Variants in XIRP1 observed in about 807,000 individuals in gnomAD.
XIRP1 encodes the protein xin actin-binding repeat-containing protein 1.
For missense variants in XIRP1, 2,378 were observed against 2,345.4 expected (o/e 1.01, Z -0.29); for synonymous variants, 984 against 947.0 (o/e 1.04, Z -0.72).
At position 39,185,536 on chromosome 3, in the gene XIRP1, G is replaced by A. The variant is rs2039951468; in HGVS notation, c.3910C>T (p.Pro1304Ser). Residue 1304 changes from proline (P) to serine (S), a missense_variant, in exon 2 of 2, where the codon CCT (proline) becomes TCT (serine). Coordinates refer to ENST00000340369, the MANE Select transcript of XIRP1 (RefSeq NM_194293.4). ...SHSSPAGQRT[P>S]GGSQTKTPKL... The stretch of plus-strand genomic sequence containing the variant: ...GGGGTCTTTGTCTGTGACCCTCCAG[G>A]GGTTCTCTGGCCAGCAGGGCTGCTG... The A allele has an allele frequency of 6.4e-7, 1 of 1,561,746 alleles. No homozygotes were observed. Among genetic ancestry groups the A allele is most frequent in the Non-Finnish European group, 8.7e-7 (1 of 1,154,888 alleles).
In XIRP1 at chr3:39,183,973, G is replaced by A; in HGVS notation, c.5473C>T (p.Leu1825=). ...LHSPAGFSSD[L]TEAETVQVSC... ...ACCTGCACCGTCTCAGCTTCTGTCA[G>A]GTCACTGCTGAACCCAGCTGGGCTG... Residue 1825 remains leucine (L), a synonymous_variant, in exon 2 of 2, where the codon CTG becomes TTG. Coordinates refer to ENST00000340369, the MANE Select transcript of XIRP1 (RefSeq NM_194293.4). 1 of 1,612,362 alleles carries A rather than the reference G, an allele frequency of 6.2e-7. No individual in the cohort carries two copies. Among genetic ancestry groups the A allele is most frequent in the Non-Finnish European group, 8.5e-7 (1 of 1,179,946 alleles).
rs762453724 is a variant in XIRP1, at chr3:39,189,330, T to C, written c.116A>G (p.Lys39Arg). The change falls in exon 2 of 2, where the codon AAG becomes AGG. Residue 39 changes from lysine (K) to arginine (R), a missense_variant. By Grantham distance (26) the Lys-to-Arg change is conservative (BLOSUM62 2). Transcript: ENST00000340369. ...CTGATGGAACTTGGAGAAGGATTCCTTGGGTGGCGGCAGTGGCAGGTCCTC... is the reference window on the plus strand; with the variant it reads ...CTGATGGAACTTGGAGAAGGATTCCCTGGGTGGCGGCAGTGGCAGGTCCTC... ...ALEDLPLPPP[K>R]ESFSKFHQQR... The C allele has an allele frequency of 1.9e-6, 3 of 1,613,468 alleles. No homozygotes were observed. Among genetic ancestry groups the C allele is most frequent in the East Asian group, 4.5e-5 (2 of 44,866 alleles).
Position 39,187,091 on chromosome 3 carries a change from C to G in XIRP1, c.2355G>C (p.Leu785=). The G allele has an allele frequency of 6.2e-7, 1 of 1,613,700 alleles. No homozygotes were observed. Among genetic ancestry groups the G allele is most frequent in the South Asian group, 1.1e-5 (1 of 91,082 alleles). ...CCTCCATGAGGATGCCTCCATGGTGCAGGATGCCAGGTGTGGCATGCAGAG... is the reference window on the plus strand; with the variant it reads ...CCTCCATGAGGATGCCTCCATGGTGGAGGATGCCAGGTGTGGCATGCAGAG... ...LRTLHATPGI[L]HHGGILMEAR... Residue 785 remains leucine, a synonymous_variant, in exon 2 of 2, where the codon CTG becomes CTC. Transcript: ENST00000340369.
In XIRP1 at chr3:39,185,441, C is replaced by T. The variant is rs1220245684; in HGVS notation, c.4005G>A (p.Gln1335=). The T allele has an allele frequency of 3.7e-6, 6 of 1,607,138 alleles. No homozygotes were observed. Among genetic ancestry groups the T allele is most frequent in the Admixed American group, 3.4e-5 (2 of 59,592 alleles). Residue 1335 remains glutamine (Q), a synonymous_variant, in exon 2 of 2, where the codon CAG becomes CAA. Coordinates refer to ENST00000340369, the MANE Select transcript of XIRP1 (RefSeq NM_194293.4). The stretch of plus-strand genomic sequence containing the variant: ...TGGGCAGCCTCTGAGGAGGGTGGCT[C>T]TGGGTTAGGTGTGCAGGTTTAGGGG... The part of the protein sequence containing the change: ...QLPPKPAHLT[Q]SHPPQRLPKP...
In XIRP1 at chr3:39,188,834, G is replaced by T. The variant is rs768242854; in HGVS notation, c.612C>A (p.Gly204=). The T allele has an allele frequency of 6.2e-7, 1 of 1,612,782 alleles. No homozygotes were observed. Among genetic ancestry groups the T allele is most frequent in the South Asian group, 1.1e-5 (1 of 91,082 alleles). The change falls in exon 2 of 2, where the codon GGC becomes GGA. Residue 204 remains glycine (G), a synonymous_variant. Coordinates refer to ENST00000340369, the MANE Select transcript of XIRP1 (RefSeq NM_194293.4). ...LFETRPLDRL[G]SRPSLQEQSP... ...TCTGCTCCTGCAGGGAGGGGCGGGA[G>T]CCCAGGCGGTCCAGCGGCCGCGTCT...
In XIRP1 at chr3:39,189,223, C is replaced by T. The variant is rs749373055; in HGVS notation, c.223G>A (p.Glu75Lys). The T allele has an allele frequency of 1.1e-4, 183 of 1,614,190 alleles. No homozygotes were observed. Among genetic ancestry groups the T allele is most frequent in the East Asian group, 5.8e-4 (26 of 44,894 alleles). ...LRKNLAEAVA[E>K]DLAEVLGSEE... ...GAGCCCAGGACCTCAGCCAGATCCT[C>T]GGCCACAGCCTCAGCCAGATTCTTG... The change falls in exon 2 of 2, where the codon GAG (glutamate) becomes AAG (lysine). Residue 75 changes from glutamate (E) to lysine (K), a missense_variant. By Grantham distance (56) the Glu-to-Lys change is moderately conservative. Coordinates refer to ENST00000340369, the MANE Select transcript of XIRP1 (RefSeq NM_194293.4).
chr3:39,190,018 A>G (rs972580863), intron 1 of XIRP1, among the ~76,000 whole-genome samples: 4 of 152,300 alleles, frequency 2.6e-5, no homozygotes, highest in Admixed American at 1.3e-4. Context: ...AACGCTGCCT[A>G]ACTTTTACCT....
chr3:39,184,917 T>C lies in XIRP1; in HGVS notation c.4529A>G (p.Gln1510Arg). The stretch of plus-strand genomic sequence containing the variant: ...GGGCTTTTGGTGGGCAGCAGGAGCC[T>C]GAGGAGCAGCCCCTCCCAGCTGGGG... ...AVPQLGGAAP[Q>R]APAAHQKPEA... Residue 1510 changes from glutamine to arginine, a missense_variant, in exon 2 of 2, where the codon CAG (glutamine) becomes CGG (arginine). Physicochemically the swap from Gln to Arg is conservative, Grantham distance 43. Transcript: ENST00000340369. 6.3e-7 allele frequency: 1 copy of C among 1,582,792 alleles called. No homozygotes were observed. The highest frequency in any genetic ancestry group is 8.6e-7 in the Non-Finnish European group (1 of 1,163,050).
At chr3:39,190,533 G>A (rs935282571) in intron 1 of XIRP1, among the ~76,000 whole-genome samples, 4 of 152,046 alleles carry the variant, frequency 2.6e-5, no homozygotes, top group African/African-American at 7.3e-5. Flanking sequence ...CCTGGATACC[G>A]CTCTCTAAGC....
chr3:39,187,788 A>G lies in XIRP1; in HGVS notation c.1658T>C (p.Leu553Pro). The G allele has an allele frequency of 6.2e-7, 1 of 1,614,024 alleles. No homozygotes were observed. Among genetic ancestry groups the G allele is most frequent in the East Asian group, 2.2e-5 (1 of 44,866 alleles). Residue 553 changes from leucine (L) to proline (P), a missense_variant, in exon 2 of 2, where the codon CTT becomes CCT. Leu to Pro is a moderately conservative substitution (Grantham distance 98). Coordinates refer to ENST00000340369, the MANE Select transcript of XIRP1 (RefSeq NM_194293.4). ...CATCTCCAGGGGCTGGGTCTCAAAA[A>G]GCCACCGAGCTGTGCCAACGTCCCC... ...VAGDVGTARW[L>P]FETQPLEMIH...
At chr3:39,191,948 G>A (rs1033390774) in intron 1 of XIRP1, among the ~76,000 whole-genome samples, 35 of 152,192 alleles carry the variant, frequency 2.3e-4, no homozygotes, top group Non-Finnish European at 4.4e-5. Flanking sequence ...GCCAGCCCCT[G>A]GGAGCTATCC....
At position 39,188,599 on chromosome 3, in the gene XIRP1, G is replaced by C. The variant is rs1242916877; in HGVS notation, c.847C>G (p.Gln283Glu). Reference protein sequence around the residue: ...FETRPLDAINQDPSQVRVIRG... With the variant: ...FETRPLDAINEDPSQVRVIRG... ...ATCACCCGCACCTGGCTGGGGTCCT[G>C]GTTGATGGCGTCCAGAGGCCGGGTC... is the stretch of plus-strand genomic sequence containing the variant. The change falls in exon 2 of 2, where the codon CAG becomes GAG. Residue 283 changes from glutamine to glutamate, a missense_variant. Gln to Glu is a conservative substitution (Grantham distance 29, BLOSUM62 2). Transcript: ENST00000340369. 6.2e-7 allele frequency: 1 copy of C among 1,613,848 alleles called. No homozygotes were observed. Among genetic ancestry groups the C allele is most frequent in the East Asian group, 2.2e-5 (1 of 44,888 alleles).
In XIRP1 at chr3:39,188,171, A is replaced by G. The variant is rs73826265; in HGVS notation, c.1275T>C (p.Ser425=). 162 of 1,614,070 alleles carry G rather than the reference A, an allele frequency of 1.0e-4. No homozygotes were observed. In the African/African-American group the frequency reaches 2.0e-3, roughly 20 times the overall value. The change falls in exon 2 of 2, where the codon TCT becomes TCC. Residue 425 remains serine, a synonymous_variant. Coordinates refer to ENST00000340369, the MANE Select transcript of XIRP1 (RefSeq NM_194293.4). ...GCTCATCCCTCTGGGGGGCACTCTG[A>G]GAGAAGGGCAGTGCTGAGGAGCTGT... ...SSDSSSALPF[S]QSAPQRDELK... is the part of the protein sequence containing the mutation.
rs764463920 is a variant in XIRP1 at position 39,188,404 on chromosome 3, G to A, written c.1042C>T (p.Leu348=). ...GTGTCCAGCGCTCGGGTCTCAAACA[G>A]ATGCTGCTGCTGCTGAACATCTGGA... ...PGPDVQQQQH[L]FETRALDTLK... is the part of the protein sequence containing the mutation. Residue 348 remains leucine, a synonymous_variant, in exon 2 of 2, where the codon CTG becomes TTG. Transcript: ENST00000340369. The A allele has an allele frequency of 6.2e-7, 1 of 1,610,574 alleles. No individual in the cohort carries two copies. Among genetic ancestry groups the A allele is most frequent in the East Asian group, 2.2e-5 (1 of 44,770 alleles).
Position 39,189,405 on chromosome 3 carries a change from ATGGT to A in XIRP1, c.37_40del (p.Thr13Ter). 1 of 1,608,058 alleles carries A rather than the reference ATGGT, an allele frequency of 6.2e-7. No homozygotes were observed. The highest frequency in any genetic ancestry group is 1.1e-5 in the South Asian group (1 of 90,144). The stretch of plus-strand genomic sequence containing the variant: ...CAGGTCCTCTGCAGTTGCCATCCTC[ATGGT>A]TGGTGTGGGGGCCACCTGTGTCTGG... On this transcript the variant is annotated frameshift_variant, in exon 2 of 2. Transcript: ENST00000340369. LOFTEE classifies it low-confidence loss of function (END_TRUNC).
rs181658773 is a variant in XIRP1 at position 39,183,685 on chromosome 3, A to G, written c.*229T>C. On this transcript the variant is annotated 3_prime_UTR_variant, in exon 2 of 2. Transcript: ENST00000340369. ...ACAAGCAGCTGGGAGCCCCCATCCT[A>G]CCCCCACGCCTGTGCAACTCTGTGG... is the stretch of plus-strand genomic sequence containing the variant. The G allele has an allele frequency of 8.6e-5, 57 of 661,134 alleles. No homozygotes were observed. The East Asian group carries it at 1.5e-3, about 17-fold the overall frequency. 41.0% of individuals were successfully genotyped at this position (661,134 alleles called of 1,614,324 possible).
rs141852838 is a variant in XIRP1, at chr3:39,187,094, G to A, written c.2352C>T (p.Ile784=). Residue 784 remains isoleucine, a synonymous_variant, in exon 2 of 2, where the codon ATC becomes ATT. Transcript: ENST00000340369. ...CCATGAGGATGCCTCCATGGTGCAG[G>A]ATGCCAGGTGTGGCATGCAGAGTCC... The part of the protein sequence containing the change: ...TLRTLHATPG[I]LHHGGILMEA... 1.6e-4 allele frequency: 254 copies of A among 1,613,718 alleles called. No homozygotes were observed. Among genetic ancestry groups the A allele is most frequent in the Middle Eastern group, 1.2e-3 (7 of 6,062 alleles).
In XIRP1 at chr3:39,184,300, G is replaced by A; in HGVS notation, c.5146C>T (p.Gln1716Ter). The A allele has an allele frequency of 1.9e-6, 3 of 1,614,180 alleles. No homozygotes were observed. Among genetic ancestry groups the A allele is most frequent in the Non-Finnish European group, 2.5e-6 (3 of 1,180,032 alleles). Residue 1716 changes from glutamine (Q) to a stop codon, truncating the protein, a stop_gained, in exon 2 of 2, where the codon CAA becomes TAA. Coordinates refer to ENST00000340369, the MANE Select transcript of XIRP1 (RefSeq NM_194293.4). LOFTEE classifies it low-confidence loss of function (END_TRUNC). ...GQALLHQKGV[Q>*]DKTGKKDITQ... The stretch of plus-strand genomic sequence containing the variant: ...ATGTCCTTCTTCCCAGTTTTGTCTT[G>A]GACACCTTTCTGGTGGAGCAGGGCC...
At chr3:39,191,373 A>T (rs1447364611) in intron 1 of XIRP1, among the ~76,000 whole-genome samples, 1 of 10,648 alleles carries the variant, frequency 9.4e-5, no homozygotes, top group Non-Finnish European at 1.8e-4. Context: ...CCCCGCCCCC[A>T]GGAATTTCCA....
Sources: allele counts gnomAD v4.1 joint callset (sites outside exome capture counted in the v4.1 genomes callset), GRCh38; gene constraint gnomAD v4.1.1; transcripts MANE v1.5; gene names NCBI Gene and HGNC (gene_info 2026-07-23, HGNC 2026-07-21).